ZAN: variants seen among roughly 807,000 people sequenced by gnomAD.
The protein encoded by ZAN is zonadhesin.
A neutral mutation model predicts 286.2 loss-of-function variants in ZAN; 260 were observed. The observed-to-expected ratio is 0.91, with a 90% confidence interval of 0.82 to 1.01. The LOEUF is 1.01. Ranked by LOEUF, ZAN falls within the 50% of genes least tolerant of loss-of-function variation. ZAN has a pLI of 0.00. For missense variants in ZAN, 3,410 were observed against 3,639.2 expected, an observed-to-expected ratio of 0.94 and a Z score of 1.62; for synonymous variants, 1,368 against 1,417.5, an observed-to-expected ratio of 0.97 and a Z score of 0.79.
In ZAN at chr7:100,767,277, C is replaced by A. The variant is rs1810052120; in HGVS notation, c.4860+20C>A. 1.9e-6 allele frequency: 3 copies of A among 1,593,150 alleles called. No homozygotes were observed. The highest frequency in any genetic ancestry group is 2.7e-5 in the African/African-American group (2 of 74,760). On this transcript the variant is annotated intron_variant, in intron 25 of 47. Transcript: ENST00000613979. ...GTCATGGTGGGTGTCTTCCTCCTGC[C>A]TCCTGGACCCTGAACACCCAGCCTG...
intron 11 of ZAN, 34 bp downstream of exon 11, chr7:100,748,504 T>G: frequency 6.3e-7 from 1 of 1,582,920 alleles, no homozygotes; most frequent in African/African-American, 1.3e-5. Flanking sequence ...CGCCAAGAAA[T>G]CACTCAGTCT....
At chr7:100,749,614 T>C (rs1808483525) in intron 11 of ZAN, among the ~76,000 whole-genome samples, 1 of 138,246 alleles carries the variant, frequency 7.2e-6, no homozygotes, top group South Asian at 2.2e-4. Context: ...TACTCCAGCC[T>C]GGGTGACAGA....
intron 7 of ZAN, among the ~76,000 whole-genome samples, chr7:100,745,541 G>C (rs995513797): frequency 6.6e-6 from 1 of 151,624 alleles, no homozygotes; most frequent in Non-Finnish European, 1.5e-5. Flanking sequence ...TGTCAGAGCC[G>C]CTGTATCTCT....
chr7:100,750,571 G>C, intron 11 of ZAN, 54 bp from the exon 12 acceptor site: 5 of 1,577,246 alleles, frequency 3.2e-6, no homozygotes, highest in Non-Finnish European at 3.5e-6. Flanking sequence ...TAAAGCAGCA[G>C]TTGGCATGTC....
intron 22 of ZAN, 27 bp downstream of exon 22, chr7:100,764,223 G>A (rs2116008182): frequency 6.7e-7 from 1 of 1,492,242 alleles, no homozygotes; most frequent in Admixed American, 2.5e-5. Flanking sequence ...TCAGAGGAGA[G>A]GCCGGGCACG....
rs1420703167 is a variant in ZAN at position 100,784,678 on chromosome 7, C to A, written c.6678C>A (p.Pro2226=). The change falls in exon 36 of 48, where the codon CCC becomes CCA. Residue 2226 remains proline, a synonymous_variant. Transcript: ENST00000613979. ...CCAACTGCCTTCCCTCCTGCTCACC[C>A]TCCTGCTGGGACCTGGATGGCCGGT... The part of the protein sequence containing the change: ...SYTNCLPSCS[P]SCWDLDGRCE... The A allele has an allele frequency of 6.2e-7, 1 of 1,613,992 alleles. No individual in the cohort carries two copies. Among genetic ancestry groups the A allele is most frequent in the Non-Finnish European group, 8.5e-7 (1 of 1,179,888 alleles).
chr7:100,736,547 C>T lies in ZAN; in HGVS notation c.171C>T (p.Ser57=), dbSNP rs371093829. Residue 57 remains serine (S), a synonymous_variant, in exon 4 of 48, where the codon TCC becomes TCT. Coordinates refer to ENST00000613979, the MANE Select transcript of ZAN (RefSeq NM_003386.3). ...CCCTCTGTGACTGGTCCCAAGTGTC[C>T]GCAGACGATGAAGACTGGGTTCGAG... ...AKPLCDWSQV[S]ADDEDWVRAS... is the part of the protein sequence containing the mutation. 1.6e-5 allele frequency: 24 copies of T among 1,523,452 alleles called. 6 individuals carry two copies. Among genetic ancestry groups the T allele is most frequent in the South Asian group, 4.5e-5 (4 of 88,860 alleles). The allele number at this position is 1,523,452 out of a possible 1,614,324, so 94.4% of individuals were successfully genotyped here. A position where few individuals can be genotyped will look rare whatever the true frequency, so the allele number is the denominator to read the frequency against.
chr7:100,772,152 G>T, intron 29 of ZAN, 132 bp downstream of exon 29: 1 of 1,188,272 alleles, frequency 8.4e-7, no homozygotes. Flanking sequence ...GGAGTGCAGT[G>T]GCGCAATCTC....
In ZAN at chr7:100,750,099, C is replaced by CACACAT. The variant is rs996745393; in HGVS notation, c.1250-526_1250-525insACACAT. On this transcript the variant is annotated intron_variant, in intron 11 of 47. Transcript: ENST00000613979. ...ACACACACACACACACACACACACACGACATTAATGAATGTAATCTAGGTT... is the reference window on the plus strand; with the variant it reads ...ACACACACACACACACACACACACACACACATGACATTAATGAATGTAATCTAGGTT... 2.8e-3 allele frequency among the ~76,000 whole-genome samples: 408 copies of CACACAT among 147,960 alleles called. 1 individual carries two copies. Among genetic ancestry groups the CACACAT allele is most frequent in the African/African-American group, 9.9e-3 (393 of 39,896 alleles).
intron 28 of ZAN, 70 bp from the exon 29 acceptor site, chr7:100,771,774 C>T: frequency 3.3e-6 from 5 of 1,503,628 alleles, no homozygotes; most frequent in Non-Finnish European, 4.5e-6. Context: ...GAATCAGCCC[C>T]AGGGAAGCCA....
In ZAN at chr7:100,759,801, C is replaced by A; in HGVS notation, c.3652C>A (p.Leu1218Met). 6.2e-7 allele frequency: 1 copy of A among 1,610,604 alleles called. No homozygotes were observed. ...CTGCCTGAGCAAAGTCTACGTGACC[C>A]TGCCCGAGAGCACCGTCACCCTGCT... ...VSCLSKVYVT[L>M]PESTVTLLKG... Residue 1218 changes from leucine (L) to methionine (M), a missense_variant, in exon 18 of 48, where the codon CTG becomes ATG. Physicochemically the swap from Leu to Met is conservative, Grantham distance 15. Around this residue, in one of 7 missense-constraint regions of ZAN, gnomAD observed 1,042 missense variants for 1,058.0 expected, o/e 0.98. Coordinates refer to ENST00000613979, the MANE Select transcript of ZAN (RefSeq NM_003386.3).
In ZAN at chr7:100,773,747, C is replaced by T; in HGVS notation, c.5661C>T (p.Asn1887=). The change falls in exon 31 of 48, where the codon AAC becomes AAT. Residue 1887 remains asparagine, a synonymous_variant. Transcript: ENST00000613979. ...HPVGERWYTE[N]TCTRLCTCSV... ...TCGGGGAGCGCTGGTACACAGAGAA[C>T]ACCTGCACCAGGCTCTGCACCTGCT... The T allele has an allele frequency of 6.2e-7, 1 of 1,611,102 alleles. No homozygotes were observed. The highest frequency in any genetic ancestry group is 2.2e-5 in the East Asian group (1 of 44,826).
Position 100,748,229 on chromosome 7 carries a change from C to G in ZAN, c.1102+14C>G. 1 of 1,613,904 alleles carries G rather than the reference C, an allele frequency of 6.2e-7. No individual in the cohort carries two copies. The highest frequency in any genetic ancestry group is 8.5e-7 in the Non-Finnish European group (1 of 1,179,872). Reference sequence around the variant, plus strand: ...CTCCTTGTGGGGGTGAGAGCAGGCCCTGAGAGGCCCGGATCTCTCAGAATC... The same window carrying G: ...CTCCTTGTGGGGGTGAGAGCAGGCCGTGAGAGGCCCGGATCTCTCAGAATC... On this transcript the variant is annotated intron_variant, in intron 10 of 47. Transcript: ENST00000613979.
At position 100,784,654 on chromosome 7, in the gene ZAN, C is replaced by G; in HGVS notation, c.6654C>G (p.Thr2218=). 7 of 1,613,974 alleles carry G rather than the reference C, an allele frequency of 4.3e-6. No individual in the cohort carries two copies. Among genetic ancestry groups the G allele is most frequent in the Non-Finnish European group, 5.9e-6 (7 of 1,179,884 alleles). ...AATGCCCTGCCTACAGCAGCTACAC[C>G]AACTGCCTTCCCTCCTGCTCACCCT... is the stretch of plus-strand genomic sequence containing the variant. ...PLECPAYSSY[T]NCLPSCSPSC... Residue 2218 remains threonine, a synonymous_variant, in exon 36 of 48, where the codon ACC becomes ACG. Coordinates refer to ENST00000613979, the MANE Select transcript of ZAN (RefSeq NM_003386.3).
rs1173323944 is a variant in ZAN at position 100,767,276 on chromosome 7, C to A, written c.4860+19C>A. On this transcript the variant is annotated intron_variant, in intron 25 of 47. Coordinates refer to ENST00000613979, the MANE Select transcript of ZAN (RefSeq NM_003386.3). Reference sequence around the variant, plus strand: ...GGTCATGGTGGGTGTCTTCCTCCTGCCTCCTGGACCCTGAACACCCAGCCT... The same window carrying A: ...GGTCATGGTGGGTGTCTTCCTCCTGACTCCTGGACCCTGAACACCCAGCCT... 6.3e-7 allele frequency: 1 copy of A among 1,592,620 alleles called. No homozygotes were observed. The highest frequency in any genetic ancestry group is 2.2e-5 in the East Asian group (1 of 44,652).
At position 100,737,575 on chromosome 7, in the gene ZAN, G is replaced by A. The variant is rs188073038; in HGVS notation, c.613+226G>A. ...CAAAAAATTAGCCGGGCGCGGTGGC[G>A]GGCGCCTGTAGTCCCAGCTACTTGG... On this transcript the variant is annotated intron_variant, in intron 6 of 47. Coordinates refer to ENST00000613979, the MANE Select transcript of ZAN (RefSeq NM_003386.3). Among the ~76,000 whole-genome samples, 99 of 140,232 alleles carry A rather than the reference G, an allele frequency of 7.1e-4. 13 individuals are homozygous for A. Among genetic ancestry groups the A allele is most frequent in the African/African-American group, 2.5e-3 (95 of 38,626 alleles). The allele number at this position is 140,232 out of a possible 152,430, so 92.0% of individuals were successfully genotyped here.
At position 100,766,619 on chromosome 7, in the gene ZAN, A is replaced by T. The variant is rs777786136; in HGVS notation, c.4565A>T (p.Gln1522Leu). ...TGCCAGCCCTGGAGGTGTAGGGCCC[A>T]GGAGTTCTGTGGCCAACAGGATGGT... The part of the protein sequence containing the change: ...IRCQPWRCRA[Q>L]EFCGQQDGIY... Residue 1522 changes from glutamine (Q) to leucine (L), a missense_variant, in exon 24 of 48, where the codon CAG (glutamine) becomes CTG (leucine). Transcript: ENST00000613979. 75 of 1,560,658 alleles carry T rather than the reference A, an allele frequency of 4.8e-5. No individual in the cohort carries two copies. The highest frequency in any genetic ancestry group is 6.3e-5 in the Non-Finnish European group (73 of 1,152,490).
At chr7:100,787,011 A>C (rs993814003) in intron 37 of ZAN, among the ~76,000 whole-genome samples, 3 of 152,010 alleles carry the variant, frequency 2.0e-5, no homozygotes, top group Admixed American at 6.6e-5. Context: ...GCAGTGAGCT[A>C]TGATTGTACC....
chr7:100,779,405 G>C lies in ZAN; in HGVS notation c.6318-41G>C, dbSNP rs1158232481. ...GAAAAAAAAATTTTGTGTCATAGTAGGGGGACGGCTGTCCCTAGGCTGATT... is the reference window on the plus strand; with the variant it reads ...GAAAAAAAAATTTTGTGTCATAGTACGGGGACGGCTGTCCCTAGGCTGATT... On this transcript the variant is annotated intron_variant, in intron 34 of 47. Coordinates refer to ENST00000613979, the MANE Select transcript of ZAN (RefSeq NM_003386.3). The C allele has an allele frequency of 1.9e-6, 3 of 1,553,630 alleles. No homozygotes were observed. In the Admixed American group the frequency reaches 5.6e-5, roughly 29 times the overall value.
Sources: allele counts gnomAD v4.1 joint callset (sites outside exome capture counted in the v4.1 genomes callset), GRCh38; gene constraint gnomAD v4.1.1; regional missense constraint gnomAD v4.1.1; transcripts MANE v1.5; gene names NCBI Gene and HGNC (gene_info 2026-07-23, HGNC 2026-07-21).